TCIRG1: variants seen among roughly 807,000 people sequenced by gnomAD.
TCIRG1 encodes V-type proton ATPase 116 kDa subunit a 3.
Under a neutral mutation model 95.5 loss-of-function variants are expected in TCIRG1, and 86 were observed. The ratio of observed to expected loss-of-function variants is 0.90; its 90% confidence interval spans 0.76 to 1.08. The LOEUF (loss-of-function observed/expected upper bound fraction) is 1.08. TCIRG1 is among the 50% of genes least tolerant of loss of function. The pLI is 0.00. For missense variants in TCIRG1, 1,069 were observed against 1,140.2 expected, an observed-to-expected ratio of 0.94 and a Z score of 0.90; for synonymous variants, 499 against 501.3, an observed-to-expected ratio of 1.00 and a Z score of 0.06.
Position 68,047,680 on chromosome 11 carries a change from C to T in TCIRG1, c.1339C>T (p.Leu447Phe), listed in dbSNP as rs918129090. Residue 447 changes from leucine (L) to phenylalanine (F), a missense_variant, in exon 12 of 20, where the codon CTC becomes TTC. Transcript: ENST00000265686. ...WQTFFRGRYL[L>F]LLMGLFSIYT... ...GACTTTCTTCAGGGGCCGCTACCTG[C>T]TCCTGCTTATGGGCCTGTTCTCCAT... 1.2e-6 allele frequency: 2 copies of T among 1,612,364 alleles called. No homozygotes were observed. The highest frequency in any genetic ancestry group is 1.3e-5 in the African/African-American group (1 of 74,526).
chr11:68,048,605 T>C (rs1003565172), intron 13 of TCIRG1, among the ~76,000 whole-genome samples: 3 of 152,314 alleles, frequency 2.0e-5, no homozygotes, highest in South Asian at 2.1e-4. Flanking sequence ...GATTTTCTAT[T>C]TGAACCTCGT....
At chr11:68,050,910 C>G, downstream of TCIRG1, 1 of 1,410,380 alleles carries the variant, frequency 7.1e-7, no homozygotes, top group Non-Finnish European at 9.8e-7. Flanking sequence ...TGTCTCGTCT[C>G]TCTTCCCTCC....
chr11:68,050,939 G>T, downstream of TCIRG1: 1 of 1,181,520 alleles, frequency 8.5e-7, no homozygotes, highest in South Asian at 1.3e-5. Flanking sequence ...TGAGGCAGGT[G>T]GCAGGGTAGA....
intron 18 of TCIRG1, 114 bp from the exon 19 acceptor site, chr11:68,050,373 A>G: frequency 1.2e-6 from 2 of 1,604,222 alleles, no homozygotes; most frequent in Non-Finnish European, 1.7e-6. Context: ...GGGACTGTCC[A>G]AGGAGGTCCC....
At chr11:68,043,962 C>G in intron 8 of TCIRG1, 55 bp downstream of exon 8, 1 of 1,426,216 alleles carries the variant, frequency 7.0e-7, no homozygotes, top group Non-Finnish European at 9.5e-7. Flanking sequence ...CCCCCGGCCT[C>G]CCGGAGGTGG....
chr11:68,047,208 A>C (rs12576942), intron 10 of TCIRG1, among the ~76,000 whole-genome samples: 3 of 123,486 alleles, frequency 2.4e-5, no homozygotes, highest in African/African-American at 9.6e-5. Flanking sequence ...GCAGGGTTTC[A>C]CCGTGTGGGC....
rs866120209 is a variant in TCIRG1 at position 68,041,753 on chromosome 11, C to A, written c.118C>A (p.Leu40Ile). Reference sequence around the variant, plus strand: ...TCACCCCTCCGTGTGGCACCCACAGCTCAACGCCTCGGTGAGCGCCTTCCA... The same window carrying A: ...TCACCCCTCCGTGTGGCACCCACAGATCAACGCCTCGGTGAGCGCCTTCCA... ...GELGLVEFRD[L>I]NASVSAFQRR... Residue 40 changes from leucine (L) to isoleucine (I), a missense_variant and splice_region_variant, in exon 3 of 20, where the codon CTC (leucine) becomes ATC (isoleucine). Physicochemically the swap from Leu to Ile is conservative, Grantham distance 5. Coordinates refer to ENST00000265686, the MANE Select transcript of TCIRG1 (RefSeq NM_006019.4). 6.2e-7 allele frequency: 1 copy of A among 1,607,868 alleles called. No individual in the cohort carries two copies.
chr11:68,041,414 A>AG, intron 2 of TCIRG1, 26 bp downstream of exon 2: 1 of 1,522,734 alleles, frequency 6.6e-7, no homozygotes, highest in African/African-American at 1.4e-5. Flanking sequence ...AGGCGTGGGA[A>AG]GGGGGCTACT....
chr11:68,041,066 C>T (rs1262913416), intron 1 of TCIRG1, among the ~76,000 whole-genome samples: 2 of 152,178 alleles, frequency 1.3e-5, no homozygotes, highest in Admixed American at 1.3e-4. Flanking sequence ...GGGTGGGCTT[C>T]GGGGTCTCCC....
intron 1 of TCIRG1, 110 bp from the exon 2 acceptor site, chr11:68,041,158 G>T (rs1855139368): frequency 1.3e-6 from 1 of 790,784 alleles, no homozygotes; most frequent in African/African-American, 1.7e-5. Flanking sequence ...GTCAGATGGG[G>T]GTGGTAACAG....
At chr11:68,043,124 C>T in intron 5 of TCIRG1, 93 bp downstream of exon 5, 3 of 1,544,088 alleles carry the variant, frequency 1.9e-6, no homozygotes, top group East Asian at 4.9e-5. Flanking sequence ...ACTCCTTGTC[C>T]AGTGCTCTCC....
chr11:68,050,456 C>T (rs779262459), intron 18 of TCIRG1, 31 bp from the exon 19 acceptor site: 22 of 1,611,866 alleles, frequency 1.4e-5, no homozygotes, highest in Admixed American at 3.3e-5. Flanking sequence ...ACCCACTTGC[C>T]GTTGGCCCCC....
rs1855145209 is a variant in TCIRG1, at chr11:68,041,271, C to T, written c.-1C>T. ...CCCCATCCGTGTCCACCCACAGGAC[C>T]ATGGGCTCCATGTTCCGGAGCGAGG... On this transcript the variant is annotated 5_prime_UTR_variant, in exon 2 of 20. Transcript: ENST00000265686. The T allele has an allele frequency of 6.2e-7, 1 of 1,610,314 alleles. No homozygotes were observed. Among genetic ancestry groups the T allele is most frequent in the Non-Finnish European group, 8.5e-7 (1 of 1,177,550 alleles).
At position 68,043,907 on chromosome 11, in the gene TCIRG1, G is replaced by C; in HGVS notation, c.807G>C (p.Glu269Asp). 6.5e-7 allele frequency: 1 copy of C among 1,549,282 alleles called. No individual in the cohort carries two copies. Among genetic ancestry groups the C allele is most frequent in the Non-Finnish European group, 8.7e-7 (1 of 1,148,074 alleles). ...AACAGCAGAGCCAGGAGCTGCAGGA[G>C]GTGGGTGCCCCCGGCCTTCCGGAGG... Reference protein sequence around the residue: ...QLQQQSQELQEVLGETERFLS... With the variant: ...QLQQQSQELQDVLGETERFLS... The change falls in exon 8 of 20, where the codon GAG becomes GAC. Residue 269 changes from glutamate to aspartate, a missense_variant and splice_region_variant. Glu to Asp is a conservative substitution (Grantham distance 45, BLOSUM62 2). Transcript: ENST00000265686.
chr11:68,050,684 C>T lies in TCIRG1; in HGVS notation c.2414+20C>T. 2 of 1,613,692 alleles carry T rather than the reference C, an allele frequency of 1.2e-6. No homozygotes were observed. Among genetic ancestry groups the T allele is most frequent in the Non-Finnish European group, 1.7e-6 (2 of 1,180,014 alleles). ...GCACTGGTGAGCGACCACCCACTGGCCTGGGCTGCTCAAGGCGTGAGTTCC... is the reference window on the plus strand; with the variant it reads ...GCACTGGTGAGCGACCACCCACTGGTCTGGGCTGCTCAAGGCGTGAGTTCC... On this transcript the variant is annotated intron_variant, in intron 19 of 19. Transcript: ENST00000265686.
chr11:68,049,852 C>G (rs1855706854), intron 16 of TCIRG1, 64 bp downstream of exon 16: 1 of 1,555,066 alleles, frequency 6.4e-7, no homozygotes, highest in Non-Finnish European at 8.7e-7. Flanking sequence ...CGGTGTGTCC[C>G]TGACTCCTCG....
rs777394938 is a variant in TCIRG1 at position 68,049,799 on chromosome 11, G to A, written c.2013+11G>A. 2 of 1,565,666 alleles carry A rather than the reference G, an allele frequency of 1.3e-6. No individual in the cohort carries two copies. The highest frequency in any genetic ancestry group is 3.8e-5 in the Admixed American group (2 of 53,196). ...CCCGCTGACCGACAGGTGGGACCGG[G>A]GCCTAAGGTGTGGGGGGCTGCTTGC... On this transcript the variant is annotated intron_variant, in intron 16 of 19. Transcript: ENST00000265686.
chr11:68,049,811 G>C lies in TCIRG1; in HGVS notation c.2013+23G>C, dbSNP rs768654626. 59 of 1,562,326 alleles carry C rather than the reference G, an allele frequency of 3.8e-5. 1 individual carries two copies. The South Asian group carries it at 5.2e-4, about 14-fold the overall frequency. ...CAGGTGGGACCGGGGCCTAAGGTGT[G>C]GGGGGCTGCTTGCGGGGAGAGGCCA... On this transcript the variant is annotated intron_variant, in intron 16 of 19. Transcript: ENST00000265686.
chr11:68,044,121 C>G lies in TCIRG1; in HGVS notation c.808-11C>G. ...CTGCCCAGCCCCCGCTGACTGCCCA[C>G]TCTGGCGCAGGTCCTCGGGGAGACA... On this transcript the variant is annotated splice_polypyrimidine_tract_variant and intron_variant, in intron 8 of 19. Coordinates refer to ENST00000265686, the MANE Select transcript of TCIRG1 (RefSeq NM_006019.4). 6.5e-7 allele frequency: 1 copy of G among 1,546,662 alleles called. No individual in the cohort carries two copies. The highest frequency in any genetic ancestry group is 2.4e-5 in the East Asian group (1 of 40,952).
Sources: gnomAD v4.1 joint callset for allele counts (sites outside exome capture counted in the v4.1 genomes callset) on GRCh38, gnomAD v4.1.1 for gene constraint, MANE v1.5 for transcripts, NCBI Gene and HGNC (gene_info 2026-07-23, HGNC 2026-07-21) for gene names.